STAG1: variants seen among roughly 807,000 people sequenced by gnomAD.
STAG1 encodes the protein STAG1 cohesin complex component, also known as cohesin subunit SA-1.
In STAG1, 26 loss-of-function variants were observed where a neutral mutation model predicts 170.9. The observed-to-expected ratio is 0.15, with a 90% CI of 0.11 to 0.21. STAG1 has a LOEUF of 0.21. Among genes scored for constraint, STAG1 ranks in the 10% least tolerant of loss-of-function variants. The pLI, the probability that STAG1 is intolerant of heterozygous loss-of-function variation, is 1.00. For missense variants in STAG1, 964 were observed against 1,509.5 expected, an observed-to-expected ratio of 0.64 and a Z score of 5.99; for synonymous variants, 514 against 497.7, an observed-to-expected ratio of 1.03 and a Z score of -0.44.
intron 4 of STAG1, among the ~76,000 whole-genome samples, chr3:136,601,768 C>A (rs1417445735): frequency 6.6e-6 from 1 of 151,822 alleles, no homozygotes; most frequent in East Asian, 1.9e-4. Context: ...ACCTGTGGGG[C>A]AGAAGTTGCA....
At chr3:136,511,505 A>C (rs1559849634) in intron 7 of STAG1, among the ~76,000 whole-genome samples, 1 of 152,218 alleles carries the variant, frequency 6.6e-6, no homozygotes. Flanking sequence ...AGGGACATGG[A>C]TGGAGCTGGA....
intron 20 of STAG1, 56 bp from the exon 21 acceptor site, chr3:136,418,028 T>C: frequency 7.3e-7 from 1 of 1,363,122 alleles, no homozygotes; most frequent in Non-Finnish European, 1.0e-6. Context: ...AATTTAAATT[T>C]GAGCTCAGTT....
chr3:136,643,925 G>A (rs1275970358), intron 1 of STAG1, among the ~76,000 whole-genome samples: 2 of 152,064 alleles, frequency 1.3e-5, no homozygotes, highest in Non-Finnish European at 2.9e-5. Context: ...TATGTGATTC[G>A]TAAACAATAA....
chr3:136,436,396 C>T (rs1015778664), intron 15 of STAG1, among the ~76,000 whole-genome samples: 2 of 152,006 alleles, frequency 1.3e-5, no homozygotes, highest in Non-Finnish European at 2.9e-5. Flanking sequence ...ATTCTCCTGC[C>T]TCAGCCTCCT....
intron 6 of STAG1, among the ~76,000 whole-genome samples, chr3:136,541,875 T>A (rs1356964121): frequency 6.6e-6 from 1 of 152,114 alleles, no homozygotes; most frequent in Non-Finnish European, 1.5e-5. Context: ...ATATCAAGAA[T>A]CTACTTTTAC....
intron 16 of STAG1, among the ~76,000 whole-genome samples, chr3:136,424,353 G>C (rs534004346): frequency 3.0e-5 from 4 of 132,422 alleles, no homozygotes; most frequent in Non-Finnish European, 6.3e-5. Context: ...TTTTTGAGAC[G>C]AAGTCTTGTT....
intron 3 of STAG1, among the ~76,000 whole-genome samples, chr3:136,610,138 G>C (rs988865817): frequency 6.6e-6 from 1 of 152,054 alleles, no homozygotes; most frequent in Admixed American, 6.6e-5. Context: ...CCAGGTTCAA[G>C]TGATTCTCCT....
At chr3:136,492,455 T>G (rs1001356261) in intron 9 of STAG1, among the ~76,000 whole-genome samples, 1 of 152,144 alleles carries the variant, frequency 6.6e-6, no homozygotes, top group African/African-American at 2.4e-5. Flanking sequence ...CATAAAAATA[T>G]GGATTCTGAA....
chr3:136,733,773 T>C (rs1018810691), intron 1 of STAG1, among the ~76,000 whole-genome samples: 2 of 152,178 alleles, frequency 1.3e-5, no homozygotes, highest in Non-Finnish European at 2.9e-5. Context: ...GAACACAGCC[T>C]AAAATGTTCA....
chr3:136,565,251 A>T (rs1443332866), intron 5 of STAG1, among the ~76,000 whole-genome samples: 1 of 152,096 alleles, frequency 6.6e-6, no homozygotes, highest in Non-Finnish European at 1.5e-5. Flanking sequence ...TAAAAAGACA[A>T]CCTAGAGAGC....
intron 1 of STAG1, among the ~76,000 whole-genome samples, chr3:136,649,084 AGTT>A (rs1249811979): frequency 6.6e-6 from 1 of 152,212 alleles, no homozygotes; most frequent in East Asian, 1.9e-4. Context: ...ATATACTTGT[AGTT>A]CATCCCAAAT....
In STAG1 at chr3:136,498,233, T is replaced by TATATATATATATATATATACAC; in HGVS notation, c.902+1989_902+1990insGTGTATATATATATATATATAT. On this transcript the variant is annotated intron_variant, in intron 9 of 33. Coordinates refer to ENST00000383202, the MANE Select transcript of STAG1 (RefSeq NM_005862.3). ...AATTATATATATATATATATATATA[T>TATATATATATATATATATACAC]ACACATACATATACATACACACACA... Among the ~76,000 whole-genome samples, 111 of 57,456 alleles carry TATATATATATATATATATACAC rather than the reference T, an allele frequency of 1.9e-3. 3 individuals carry two copies. Among genetic ancestry groups the TATATATATATATATATATACAC allele is most frequent in the East Asian group, 8.7e-3 (4 of 462 alleles). The allele number at this position is 57,456 out of a possible 152,430, so 37.7% of individuals were successfully genotyped here.
At chr3:136,750,638 C>G (rs1380933106) in intron 1 of STAG1, among the ~76,000 whole-genome samples, 2 of 152,196 alleles carry the variant, frequency 1.3e-5, no homozygotes, top group African/African-American at 2.4e-5. Flanking sequence ...ACTGGTAGAT[C>G]ACTTGAATTA....
intron 2 of STAG1, among the ~76,000 whole-genome samples, chr3:136,629,276 T>C (rs1464470925): frequency 6.6e-6 from 1 of 152,098 alleles, no homozygotes; most frequent in African/African-American, 2.4e-5. Flanking sequence ...CAATGCAGTT[T>C]AGGAGATGGG....
chr3:136,369,808 A>C (rs1165120121), intron 23 of STAG1, among the ~76,000 whole-genome samples: 1 of 152,190 alleles, frequency 6.6e-6, no homozygotes, highest in Non-Finnish European at 1.5e-5. Context: ...TCAATAATGA[A>C]CTGCATATAC....
intron 2 of STAG1, among the ~76,000 whole-genome samples, chr3:136,623,511 C>T (rs1244995261): frequency 6.6e-6 from 1 of 151,800 alleles, no homozygotes; most frequent in African/African-American, 2.4e-5. Context: ...AAAATAAATG[C>T]AAAATATAAC....
rs1935705187 is a variant in STAG1 at position 136,337,000 on chromosome 3, A to C, written c.*1254T>G. The C allele has an allele frequency of 6.6e-6, 1 of 152,450 alleles. No homozygotes were observed. Among genetic ancestry groups the C allele is most frequent in the Non-Finnish European group, 1.5e-5 (1 of 68,042 alleles). 9.4% of individuals were successfully genotyped at this position (152,450 alleles called of 1,614,324 possible). ...TGGGGTTTTTAAAACAATAGCAGCA[A>C]GTCATAAAAGTCTAGGCAGAATGTA... On this transcript the variant is annotated 3_prime_UTR_variant, in exon 34 of 34. Coordinates refer to ENST00000383202, the MANE Select transcript of STAG1 (RefSeq NM_005862.3).
At chr3:136,488,034 T>C (rs1014465844) in intron 9 of STAG1, among the ~76,000 whole-genome samples, 1 of 152,254 alleles carries the variant, frequency 6.6e-6, no homozygotes, top group Non-Finnish European at 1.5e-5. Flanking sequence ...GGAGGATGCT[T>C]TGATTGTAAT....
chr3:136,426,243 T>C (rs1226949102), intron 16 of STAG1, among the ~76,000 whole-genome samples: 1 of 151,808 alleles, frequency 6.6e-6, no homozygotes, highest in Non-Finnish European at 1.5e-5. Context: ...CCGTCTCTAC[T>C]AAAAATACAA....
Sources: gnomAD v4.1 joint callset for allele counts (sites outside exome capture counted in the v4.1 genomes callset) on GRCh38, gnomAD v4.1.1 for gene constraint, MANE v1.5 for transcripts, NCBI Gene and HGNC (gene_info 2026-07-23, HGNC 2026-07-21) for gene names.